Variants in AFF3 observed in about 807,000 individuals in gnomAD.
The protein encoded by AFF3 is ALF transcription elongation factor 3.
Under a neutral mutation model 129.7 loss-of-function variants are expected in AFF3, and 32 were observed. The ratio of observed to expected loss-of-function variants is 0.25; its 90% CI spans 0.19 to 0.33. AFF3 has a LOEUF of 0.33. Ranked by LOEUF, AFF3 falls within the 10% of genes least tolerant of loss-of-function variation. The pLI, the probability that AFF3 is intolerant of heterozygous loss-of-function variation, is 1.00. For missense variants in AFF3, 1,373 were observed against 1,592.0 expected (o/e 0.86, Z 2.34); for synonymous variants, 644 against 635.4 (o/e 1.01, Z -0.20).
At chr2:99,582,405 G>A (rs1677660027) in intron 17 of AFF3, among the ~76,000 whole-genome samples, 1 of 152,192 alleles carries the variant, frequency 6.6e-6, no homozygotes. Flanking sequence ...CAGAGTGGGG[G>A]CCCTGTAGCT....
intron 7 of AFF3, among the ~76,000 whole-genome samples, chr2:99,866,703 G>T (rs1489071527): frequency 6.6e-6 from 1 of 152,044 alleles, no homozygotes; most frequent in African/African-American, 2.4e-5. Flanking sequence ...GCGGTCGGGC[G>T]TGGTGGCTCA....
chr2:99,662,524 T>G (rs1373585813), intron 12 of AFF3, among the ~76,000 whole-genome samples: 1 of 152,218 alleles, frequency 6.6e-6, no homozygotes, highest in African/African-American at 2.4e-5. Context: ...TTACTCAAAA[T>G]ATCTGTGGTT....
At chr2:99,705,711 T>C (rs1428136608) in intron 11 of AFF3, among the ~76,000 whole-genome samples, 1 of 151,440 alleles carries the variant, frequency 6.6e-6, no homozygotes, top group Non-Finnish European at 1.5e-5. Flanking sequence ...CTGTCTCTAC[T>C]AAAAATACAA....
chr2:100,031,892 AG>A (rs1343765720), intron 4 of AFF3, among the ~76,000 whole-genome samples: 2 of 152,268 alleles, frequency 1.3e-5, no homozygotes, highest in East Asian at 3.8e-4. Context: ...TCCAAGCTTA[AG>A]GAGGTGAAGC....
intron 4 of AFF3, among the ~76,000 whole-genome samples, chr2:100,071,632 T>C (rs1002175267): frequency 6.6e-6 from 1 of 152,170 alleles, no homozygotes; most frequent in Non-Finnish European, 1.5e-5. Context: ...TCAGTATTAG[T>C]GTCTTCTTTT....
At chr2:99,617,897 G>A (rs1038372528) in intron 13 of AFF3, among the ~76,000 whole-genome samples, 6 of 152,194 alleles carry the variant, frequency 3.9e-5, no homozygotes, top group East Asian at 1.9e-4. Context: ...GTTAGTGGAG[G>A]AGAGAGGTTG....
chr2:100,016,590 ATGG>A (rs530009820), intron 4 of AFF3, among the ~76,000 whole-genome samples: 4 of 90,498 alleles, frequency 4.4e-5, no homozygotes, highest in South Asian at 3.7e-4. Context: ...GACAGTAGTG[ATGG>A]TGGTGGTGGT....
rs117961585 is a variant in AFF3 at position 99,840,817 on chromosome 2, G to A, written c.874-3293C>T. Among the ~76,000 whole-genome samples the A allele has an allele frequency of 8.6e-5, 13 of 150,654 alleles. No individual in the cohort carries two copies. The East Asian group carries it at 2.5e-3, about 29-fold the overall frequency. ...TATATAGGAAAGTCTCAGTCGGGCC[G>A]GGGGGCTTGATGGTCACTTGGAAGG... On this transcript the variant is annotated intron_variant, in intron 7 of 24. Transcript: ENST00000672756.
intron 4 of AFF3, among the ~76,000 whole-genome samples, chr2:100,036,494 A>G (rs1684921837): frequency 1.3e-5 from 2 of 152,216 alleles, no homozygotes; most frequent in South Asian, 4.1e-4. Flanking sequence ...AATAAATTAA[A>G]GAATAATTAT....
At chr2:99,886,179 A>G (rs1448663115) in intron 7 of AFF3, among the ~76,000 whole-genome samples, 1 of 152,218 alleles carries the variant, frequency 6.6e-6, no homozygotes, top group East Asian at 1.9e-4. Flanking sequence ...CATTTTGTCC[A>G]GTTAGATTGC....
intron 7 of AFF3, among the ~76,000 whole-genome samples, chr2:99,982,904 AC>A (rs1203236766): frequency 6.6e-6 from 1 of 152,182 alleles, no homozygotes; most frequent in Admixed American, 6.5e-5. Flanking sequence ...AGGTTCGCTC[AC>A]CTATAATGAC....
At chr2:99,726,400 AG>A (rs960946678) in intron 11 of AFF3, among the ~76,000 whole-genome samples, 11 of 152,256 alleles carry the variant, frequency 7.2e-5, no homozygotes, top group Admixed American at 2.0e-4. Flanking sequence ...AAGATTTTTA[AG>A]GAGCAAACCT....
chr2:99,729,934 T>C (rs1558793529), intron 10 of AFF3, among the ~76,000 whole-genome samples: 1 of 151,864 alleles, frequency 6.6e-6, no homozygotes, highest in Non-Finnish European at 1.5e-5. Flanking sequence ...CCATTTTACA[T>C]GCGGAAATAC....
At chr2:99,570,248 G>A (rs929256106) in intron 18 of AFF3, among the ~76,000 whole-genome samples, 4 of 152,190 alleles carry the variant, frequency 2.6e-5, no homozygotes, top group African/African-American at 9.6e-5. Flanking sequence ...GCCTTGGTGA[G>A]TTTTCCTTCT....
At chr2:99,837,221 C>T (rs1049431207) in intron 8 of AFF3, among the ~76,000 whole-genome samples, 1 of 152,166 alleles carries the variant, frequency 6.6e-6, no homozygotes, top group Non-Finnish European at 1.5e-5. Context: ...TATTTTTCAT[C>T]TAAATTCTGT....
Position 99,727,042 on chromosome 2 carries a change from A to G in AFF3, c.1091+35T>C, listed in dbSNP as rs936093108. ...CTCATTTTATGAGGCATATTTAAGA[A>G]CAGGCATCTCTGATAGAAAATGAAA... On this transcript the variant is annotated intron_variant, in intron 11 of 24. Coordinates refer to ENST00000672756, the MANE Select transcript of AFF3 (RefSeq NM_001386135.1). The G allele has an allele frequency of 3.2e-6, 5 of 1,557,292 alleles. 1 individual carries two copies. The highest frequency in any genetic ancestry group is 4.4e-6 in the Non-Finnish European group (5 of 1,140,188).
chr2:100,120,647 C>T (rs754610293), intron 2 of AFF3, among the ~76,000 whole-genome samples: 1 of 152,088 alleles, frequency 6.6e-6, no homozygotes, highest in Non-Finnish European at 1.5e-5. Flanking sequence ...ATTGAAGAGT[C>T]CCTTCACTCC....
chr2:99,630,956 A>G (rs769274391), intron 13 of AFF3: 13 of 440,256 alleles, frequency 3.0e-5, no homozygotes, highest in South Asian at 1.5e-4. Flanking sequence ...CAGGGTTTCA[A>G]TGGTCAGTGG....
At chr2:99,650,094 G>A (rs17782528) in intron 12 of AFF3, among the ~76,000 whole-genome samples, 22,540 of 152,140 alleles carry the variant, frequency 0.15, 2,092 homozygotes, top group South Asian at 0.25. Flanking sequence ...TTTTTCACTC[G>A]GATTTCAGAT....
Sources: gnomAD v4.1 joint callset for allele counts (sites outside exome capture counted in the v4.1 genomes callset) on GRCh38, gnomAD v4.1.1 for gene constraint, MANE v1.5 for transcripts, NCBI Gene and HGNC (gene_info 2026-07-23, HGNC 2026-07-21) for gene names.